The following TLN2 variants were observed in gnomAD, a reference collection of about 807,000 sequenced individuals.
TLN2 encodes talin-2.
TLN2 carries 118 observed loss-of-function variants against 294.7 expected under a neutral mutation model. The observed-to-expected ratio is 0.40, with a 90% CI of 0.34 to 0.47. The LOEUF is 0.47. TLN2 is among the 20% of genes least tolerant of loss of function. The pLI is 0.84. For synonymous variants in TLN2, 1,431 were observed against 1,304.5 expected, an observed-to-expected ratio of 1.10 and a Z score of -2.09; for missense variants, 3,083 against 3,282.2, an observed-to-expected ratio of 0.94 and a Z score of 1.48.
At chr15:62,519,836 A>G (rs938327848) in intron 1 of TLN2, among the ~76,000 whole-genome samples, 1 of 152,240 alleles carries the variant, frequency 6.6e-6, no homozygotes, top group Admixed American at 6.5e-5. Flanking sequence ...AACTTTAAAA[A>G]AGTTTTTTAG....
At chr15:62,798,904 C>A (rs12591818) in intron 48 of TLN2, among the ~76,000 whole-genome samples, 96,930 of 152,110 alleles carry the variant, frequency 0.64, 33,898 homozygotes, top group Non-Finnish European at 0.78. Context: ...TTCACAAAAA[C>A]CTCCGCTACA....
rs780484556 is a variant in TLN2 at position 62,796,228 on chromosome 15, C to T, written c.5985C>T (p.Thr1995=). 2 of 1,614,086 alleles carry T rather than the reference C, an allele frequency of 1.2e-6. No homozygotes were observed. The highest frequency in any genetic ancestry group is 2.7e-5 in the African/African-American group (2 of 74,926). The stretch of plus-strand genomic sequence containing the variant: ...CTGGGATCATTGCCGACCTGGACAC[C>T]ACCATTATGTTTGCAACAGCGGGGA... ...AVSGIIADLD[T]TIMFATAGTL... The change falls in exon 47 of 59, where the codon ACC becomes ACT. Residue 1995 remains threonine (T), a synonymous_variant. Transcript: ENST00000636159.
At chr15:62,816,791 C>G (rs2067151998) in intron 52 of TLN2, among the ~76,000 whole-genome samples, 1 of 152,166 alleles carries the variant, frequency 6.6e-6, no homozygotes, top group Non-Finnish European at 1.5e-5. Context: ...CTATGGACTG[C>G]TTAGCTACTG....
chr15:62,834,971 A>G (rs1596196611), intron 55 of TLN2: 1 of 152,172 alleles, frequency 6.6e-6, no homozygotes. Flanking sequence ...TGGGTGAACT[A>G]TAGTATTATA....
chr15:62,392,704 G>A (rs926762892), intron 1 of TLN2, among the ~76,000 whole-genome samples: 1 of 152,134 alleles, frequency 6.6e-6, no homozygotes, highest in Admixed American at 6.5e-5. Context: ...GGCACTTCCG[G>A]TCTTCTTCAC....
chr15:62,705,793 T>G (rs1429521359), intron 19 of TLN2, among the ~76,000 whole-genome samples: 1 of 152,230 alleles, frequency 6.6e-6, no homozygotes, highest in Non-Finnish European at 1.5e-5. Flanking sequence ...CAAGTGCCAG[T>G]CAGATCCCAA....
chr15:62,690,266 G>A (rs1346753686), intron 12 of TLN2: 28 of 159,594 alleles, frequency 1.8e-4, no homozygotes, highest in South Asian at 3.4e-4. Flanking sequence ...GGCGGCTGCC[G>A]GGCGGAGGGG....
chr15:62,824,124 C>T, intron 54 of TLN2: 1 of 383,178 alleles, frequency 2.6e-6, no homozygotes, highest in East Asian at 7.8e-5. Flanking sequence ...GAAGATGGAG[C>T]ACTCATTACA....
At chr15:62,486,557 A>G (rs1256790821) in intron 1 of TLN2, among the ~76,000 whole-genome samples, 2 of 143,990 alleles carry the variant, frequency 1.4e-5, no homozygotes, top group East Asian at 2.0e-4. Context: ...TTTTCTCACT[A>G]TTAGATTTTC....
At chr15:62,689,272 A>G (rs1023830308) in intron 12 of TLN2, among the ~76,000 whole-genome samples, 1 of 152,044 alleles carries the variant, frequency 6.6e-6, no homozygotes, top group African/African-American at 2.4e-5. Flanking sequence ...ACTTCCATTT[A>G]GGTCTTTTTA....
At chr15:62,457,524 C>T (rs1428017302) in intron 1 of TLN2, among the ~76,000 whole-genome samples, 1 of 152,116 alleles carries the variant, frequency 6.6e-6, no homozygotes, top group East Asian at 1.9e-4. Context: ...GGAATTGGGC[C>T]CCGTCTTCCT....
At chr15:62,557,664 C>A (rs1180595662) in intron 1 of TLN2, among the ~76,000 whole-genome samples, 1 of 152,184 alleles carries the variant, frequency 6.6e-6, no homozygotes, top group South Asian at 2.1e-4. Context: ...CCCTCAGCCT[C>A]CCGAGTAGCT....
chr15:62,521,858 T>C (rs750180674), intron 1 of TLN2, among the ~76,000 whole-genome samples: 5 of 152,196 alleles, frequency 3.3e-5, no homozygotes, highest in Non-Finnish European at 5.9e-5. Context: ...GGGTAAAATA[T>C]TTCCATTTCC....
intron 1 of TLN2, among the ~76,000 whole-genome samples, chr15:62,442,629 G>A (rs1370429170): frequency 1.3e-5 from 2 of 151,766 alleles, no homozygotes; most frequent in Admixed American, 6.6e-5. Flanking sequence ...GACCAGAAGT[G>A]TAGTATTGAG....
At chr15:62,680,858 C>T (rs1021286065) in intron 11 of TLN2, among the ~76,000 whole-genome samples, 17 of 152,112 alleles carry the variant, frequency 1.1e-4, no homozygotes, top group Admixed American at 2.0e-4. Flanking sequence ...GTGTTATTCA[C>T]GTAAAATAAT....
chr15:62,701,267 T>TTTGTTTAAAAGCTGTG (rs2058704313), intron 17 of TLN2, 53 bp downstream of exon 17: 1 of 1,378,434 alleles, frequency 7.3e-7, no homozygotes, highest in Non-Finnish European at 1.0e-6. Flanking sequence ...AAAGCTGTGT[T>TTTGTTTAAAAGCTGTG]TTTTTTTTTA....
At position 62,628,567 on chromosome 15, in the gene TLN2, A is replaced by G. The variant is rs955222294; in HGVS notation, c.-37+10092A>G. Among the ~76,000 whole-genome samples, 7 of 152,250 alleles carry G rather than the reference A, an allele frequency of 4.6e-5. 1 individual carries two copies. The highest frequency in any genetic ancestry group is 3.9e-4 in the Admixed American group (6 of 15,292). On this transcript the variant is annotated intron_variant, in intron 3 of 58. Coordinates refer to ENST00000636159, the MANE Select transcript of TLN2 (RefSeq NM_015059.3). The stretch of plus-strand genomic sequence containing the variant: ...AAAGACATTTTTCATAGAAAGATCT[A>G]TATTTTCAGTCTCCATTTTTGACCC...
chr15:62,741,817 A>G (rs2061345954), intron 32 of TLN2, among the ~76,000 whole-genome samples: 2 of 143,948 alleles, frequency 1.4e-5, no homozygotes, highest in Non-Finnish European at 3.0e-5. Context: ...AATTGTCGGC[A>G]TCAAGAGACC....
At chr15:62,497,197 A>G (rs2039056080) in intron 1 of TLN2, among the ~76,000 whole-genome samples, 1 of 152,186 alleles carries the variant, frequency 6.6e-6, no homozygotes, top group Admixed American at 6.5e-5. Flanking sequence ...ATGTTCGCTG[A>G]GGGAGTGGAT....
Sources: gnomAD v4.1 joint callset for allele counts (sites outside exome capture counted in the v4.1 genomes callset) on GRCh38, gnomAD v4.1.1 for gene constraint, MANE v1.5 for transcripts, NCBI Gene and HGNC (gene_info 2026-07-23, HGNC 2026-07-21) for gene names.